The following NIBAN3 variants were observed in gnomAD, a reference collection of about 807,000 sequenced individuals.
The protein encoded by NIBAN3 is niban apoptosis regulator 3.
A neutral mutation model predicts 76.4 loss-of-function variants in NIBAN3; 66 were observed. That is an observed-to-expected ratio of 0.86 (90% confidence interval 0.71 to 1.06). NIBAN3 has a LOEUF of 1.06. Among genes scored for constraint, NIBAN3 ranks in the 50% least tolerant of loss-of-function variants. The probability of loss-of-function intolerance (pLI) is 0.00; values close to 1 mark genes in which losing one functional copy is unlikely to be tolerated. For synonymous variants in NIBAN3, 360 were observed against 355.2 expected (o/e 1.01, Z -0.15); for missense variants, 808 against 810.7 (o/e 1.00, Z 0.04).
intron 8 of NIBAN3, among the ~76,000 whole-genome samples, 164 bp downstream of exon 8, chr19:17,539,929 G>A (rs550374293): frequency 6.6e-6 from 1 of 152,260 alleles, no homozygotes; most frequent in South Asian, 2.1e-4. Flanking sequence ...GTGGGGAAGG[G>A]GCGGGGCCAA....
At chr19:17,538,527 G>A (rs1406218279) in intron 5 of NIBAN3, among the ~76,000 whole-genome samples, 1 of 151,868 alleles carries the variant, frequency 6.6e-6, no homozygotes, top group Non-Finnish European at 1.5e-5. Flanking sequence ...GGAGGCTTAG[G>A]TGGGAGGATC....
chr19:17,533,415 C>CA lies in NIBAN3; in HGVS notation c.313-157dup, dbSNP rs66723561. ...ACAGAGTGAGACTCTGTCTCAAAAA[C>CA]AAAAAAAAAAAAAAAGAGAGAGGGA... is the stretch of plus-strand genomic sequence containing the variant. On this transcript the variant is annotated intron_variant, in intron 3 of 14. Transcript: ENST00000599164. The CA allele has an allele frequency of 4.0e-3, 1,718 of 429,466 alleles. 1 individual carries two copies. Among genetic ancestry groups the CA allele is most frequent in the East Asian group, 0.021 (542 of 25,598 alleles). The allele number at this position is 429,466 out of a possible 1,614,324, so 26.6% of individuals were successfully genotyped here. A position where few individuals can be genotyped will look rare whatever the true frequency, so the allele number is the denominator to read the frequency against.
In NIBAN3 at chr19:17,553,544, G is replaced by A. The variant is rs777534047; in HGVS notation, c.*1646G>A. The A allele has an allele frequency of 1.1e-5, 17 of 1,613,854 alleles. No individual in the cohort carries two copies. The African/African-American group carries it at 1.6e-4, about 15-fold the overall frequency. ...TCCTCCCATTCTGTCTGGAGTTTTCGGCCTACCCCAAGACAATGAGATATT... is the reference window on the plus strand; with the variant it reads ...TCCTCCCATTCTGTCTGGAGTTTTCAGCCTACCCCAAGACAATGAGATATT... On this transcript the variant is annotated 3_prime_UTR_variant, in exon 15 of 15. Coordinates refer to ENST00000599164, the MANE Select transcript of NIBAN3 (RefSeq NM_001321827.2).
At chr19:17,535,822 C>T (rs570746449) in intron 4 of NIBAN3, among the ~76,000 whole-genome samples, 2 of 151,624 alleles carry the variant, frequency 1.3e-5, no homozygotes, top group African/African-American at 4.8e-5. Flanking sequence ...GAGGATCACT[C>T]GAGCCTAGGA....
Position 17,543,417 on chromosome 19 carries a change from G to T in NIBAN3, c.1430G>T (p.Arg477Met), listed in dbSNP as rs753232898. Residue 477 changes from arginine (R) to methionine (M), a missense_variant, in exon 11 of 15, where the codon AGG (arginine) becomes ATG (methionine). Arg to Met is a moderately conservative substitution (Grantham distance 91). Transcript: ENST00000599164. The stretch of plus-strand genomic sequence containing the variant: ...GCTGCCCAGAGGCTGGAGAGAGTCA[G>T]GGGGCGCGTGCTGAAGGTGTGTTCT... ...DQAAQRLERV[R>M]GRVLKKFKSD... The T allele has an allele frequency of 1.2e-6, 2 of 1,613,354 alleles. No homozygotes were observed. The highest frequency in any genetic ancestry group is 1.7e-6 in the Non-Finnish European group (2 of 1,179,362).
upstream of NIBAN3, among the ~76,000 whole-genome samples, chr19:17,525,134 C>T (rs1308887591): frequency 6.6e-6 from 1 of 152,206 alleles, no homozygotes; most frequent in East Asian, 1.9e-4. Context: ...GACTTTCCTT[C>T]CTCCAGCCTG....
rs143415518 is a variant in NIBAN3 at position 17,553,267 on chromosome 19, G to A, written c.*1369G>A. ...TTGTGATACAGGTTACAGATTTTGG[G>A]GTTTTTTTCTCCGCTTGCTGTGAGC... On this transcript the variant is annotated 3_prime_UTR_variant, in exon 15 of 15. Transcript: ENST00000599164. The A allele has an allele frequency of 1.9e-6, 3 of 1,597,140 alleles. No individual in the cohort carries two copies. The highest frequency in any genetic ancestry group is 1.4e-5 in the African/African-American group (1 of 73,860).
In NIBAN3 at chr19:17,527,365, C is replaced by T. The variant is rs201383126; in HGVS notation, c.25C>T (p.Leu9=). The change falls in exon 1 of 15, where the codon CTG becomes TTG. Residue 9 remains leucine, a synonymous_variant. Coordinates refer to ENST00000599164, the MANE Select transcript of NIBAN3 (RefSeq NM_001321827.2). MGGRPSSP[L]DKQQRQHLRG... The stretch of plus-strand genomic sequence containing the variant: ...CATGGGTGGGCGGCCTTCGAGCCCT[C>T]TGGACAAGCAGCAGCGGCAGCACCT... 1.8e-5 allele frequency: 28 copies of T among 1,540,232 alleles called. No homozygotes were observed. The highest frequency in any genetic ancestry group is 7.9e-5 in the Admixed American group (4 of 50,350).
chr19:17,530,656 A>G, intron 1 of NIBAN3, 99 bp from the exon 2 acceptor site: 1 of 1,184,794 alleles, frequency 8.4e-7, no homozygotes, highest in Non-Finnish European at 1.1e-6. Context: ...GGATGACTAC[A>G]GGAGCCCCCA....
chr19:17,523,481 CTGAGCGGAAGCTCAGCTG>C, upstream of NIBAN3: 1 of 1,556,772 alleles, frequency 6.4e-7, no homozygotes, highest in Non-Finnish European at 8.7e-7. Flanking sequence ...GCAAAGAGAG[CTGAGCGGAAGCTCAGCTG>C]TGGGGCTGGT....
At position 17,551,927 on chromosome 19, in the gene NIBAN3, T is replaced by C. The variant is rs34348599; in HGVS notation, c.*29T>C. On this transcript the variant is annotated 3_prime_UTR_variant, in exon 15 of 15. Coordinates refer to ENST00000599164, the MANE Select transcript of NIBAN3 (RefSeq NM_001321827.2). ...TTCACCCACATCTATCTTGTTTCTA[T>C]TGGATAAATGTCTACAAGTGGAATT... 2 of 761,822 alleles carry C rather than the reference T, an allele frequency of 2.6e-6. No homozygotes were observed. Among genetic ancestry groups the C allele is most frequent in the Non-Finnish European group, 5.0e-6 (2 of 403,512 alleles). The allele number at this position is 761,822 out of a possible 1,614,324, so 47.2% of individuals were successfully genotyped here. A position where few individuals can be genotyped will look rare whatever the true frequency, so the allele number is the denominator to read the frequency against.
chr19:17,545,373 G>T, intron 12 of NIBAN3: 1 of 164,428 alleles, frequency 6.1e-6, no homozygotes, highest in South Asian at 1.8e-4. Flanking sequence ...AGCCCCACAG[G>T]GTCGGTGGGT....
chr19:17,547,209 C>A (rs1263044928), intron 13 of NIBAN3, among the ~76,000 whole-genome samples: 1 of 151,436 alleles, frequency 6.6e-6, no homozygotes, highest in African/African-American at 2.4e-5. Context: ...AAAAAATTAG[C>A]CGGGCATGAT....
chr19:17,527,523 C>A, intron 1 of NIBAN3, 128 bp downstream of exon 1: 2 of 953,536 alleles, frequency 2.1e-6, no homozygotes, highest in Non-Finnish European at 3.0e-6. Context: ...CACAGGATGC[C>A]TTCTTAATGT....
intron 1 of NIBAN3, among the ~76,000 whole-genome samples, chr19:17,528,150 G>A (rs2075643711): frequency 6.6e-6 from 1 of 151,826 alleles, no homozygotes; most frequent in Non-Finnish European, 1.5e-5. Flanking sequence ...AGAGTGCAGT[G>A]GCGCAATCTT....
At chr19:17,543,206 A>G in intron 10 of NIBAN3, 111 bp from the exon 11 acceptor site, 1 of 679,340 alleles carries the variant, frequency 1.5e-6, no homozygotes, top group African/African-American at 1.8e-5. Context: ...GGTTGGGCAG[A>G]GGTGGCTGGT....
intron 12 of NIBAN3, chr19:17,545,143 A>G (rs1180916436): frequency 6.6e-6 from 1 of 152,140 alleles, no homozygotes; most frequent in Admixed American, 6.6e-5. Context: ...AGCCTGGGTG[A>G]CAGAGAGAGA....
At chr19:17,543,249 TG>T in intron 10 of NIBAN3, 67 bp from the exon 11 acceptor site, 2 of 1,025,444 alleles carry the variant, frequency 2.0e-6, no homozygotes, top group Non-Finnish European at 2.9e-6. Flanking sequence ...AGGGGTCAGC[TG>T]GGCAGGAGTG....
In NIBAN3 at chr19:17,542,150, G is replaced by T. The variant is rs1454177013; in HGVS notation, c.1185G>T (p.Gly395=). The change falls in exon 10 of 15, where the codon GGG becomes GGT. Residue 395 remains glycine (G), a synonymous_variant. Coordinates refer to ENST00000599164, the MANE Select transcript of NIBAN3 (RefSeq NM_001321827.2). This position sits in a 1 kb window ranked among gnomAD's most constrained non-coding sequence, Gnocchi z 4.8. ...CGGGAGCACAGGTTTACTCATTTGG[G>T]GAGATGCCGTGGGACTTGGCGCTGA... ...TRLRREVYSF[G]EMPWDLALMQ... The T allele has an allele frequency of 1.2e-6, 2 of 1,614,046 alleles. No individual in the cohort carries two copies. The highest frequency in any genetic ancestry group is 1.7e-5 in the Admixed American group (1 of 59,992).
Sources: allele counts gnomAD v4.1 joint callset (sites outside exome capture counted in the v4.1 genomes callset), GRCh38; gene constraint gnomAD v4.1.1; non-coding constraint Gnocchi (gnomAD v3.1); transcripts MANE v1.5; gene names NCBI Gene and HGNC (gene_info 2026-07-23, HGNC 2026-07-21).